AFDN: variants seen among roughly 807,000 people sequenced by gnomAD.
The protein encoded by AFDN is afadin.
Under a neutral mutation model 216.6 loss-of-function variants are expected in AFDN, and 68 were observed. The ratio of observed to expected loss-of-function variants is 0.31; its 90% CI spans 0.26 to 0.38. The LOEUF is 0.38. AFDN is among the 10% of genes least tolerant of loss of function. AFDN has a pLI of 1.00. For synonymous variants in AFDN, 868 were observed against 853.7 expected (o/e 1.02, Z -0.29); for missense variants, 2,136 against 2,342.0 (o/e 0.91, Z 1.82).
At position 167,880,235 on chromosome 6, in the gene AFDN, GA is replaced by G. The variant is rs1210631200; in HGVS notation, c.740-124del. 2.1e-5 allele frequency: 17 copies of G among 815,492 alleles called. No homozygotes were observed. The Admixed American group carries it at 2.9e-4, about 14-fold the overall frequency. The allele number at this position is 815,492 out of a possible 1,614,324, so 50.5% of individuals were successfully genotyped here. A position where few individuals can be genotyped will look rare whatever the true frequency, so the allele number is the denominator to read the frequency against. ...GAAATGAAACAATAGTTATTAGGCA[GA>G]TTGTCTTTACACTCATTTTAGCTAG... On this transcript the variant is annotated intron_variant, in intron 5 of 33. Coordinates refer to ENST00000683244, the MANE Select transcript of AFDN (RefSeq NM_001386888.1).
At chr6:167,959,592 G>A (rs1002088526) in intron 30 of AFDN, among the ~76,000 whole-genome samples, 3 of 152,134 alleles carry the variant, frequency 2.0e-5, no homozygotes, top group Admixed American at 1.3e-4. Context: ...TAACAGAGTC[G>A]TGTTTTCAGT....
chr6:167,922,754 C>T, intron 21 of AFDN, 102 bp from the exon 22 acceptor site: 1 of 717,456 alleles, frequency 1.4e-6, no homozygotes, highest in Middle Eastern at 2.9e-4. Context: ...TAAGAAGAAT[C>T]AATACCGTGT....
intron 2 of AFDN, among the ~76,000 whole-genome samples, chr6:167,865,433 C>G (rs1268809356): frequency 6.6e-6 from 1 of 151,694 alleles, no homozygotes; most frequent in Non-Finnish European, 1.5e-5. Flanking sequence ...CATAGTGAGA[C>G]CCGTCTCCAC....
In AFDN at chr6:167,896,827, A is replaced by G. The variant is rs144587549; in HGVS notation, c.1223-51A>G. On this transcript the variant is annotated intron_variant, in intron 9 of 33. Transcript: ENST00000683244. Reference sequence around the variant, plus strand: ...CCTTTTGTTTGTTGGAAATAACATGACAGTAATATTAGACTTTGCAAATAG... The same window carrying G: ...CCTTTTGTTTGTTGGAAATAACATGGCAGTAATATTAGACTTTGCAAATAG... 1.4e-3 allele frequency: 1,467 copies of G among 1,060,054 alleles called. 3 individuals carry two copies. The highest frequency in any genetic ancestry group is 1.9e-3 in the Non-Finnish European group (1,307 of 687,828). The allele number at this position is 1,060,054 out of a possible 1,614,324, so 65.7% of individuals were successfully genotyped here. A position where few individuals can be genotyped will look rare whatever the true frequency, so the allele number is the denominator to read the frequency against.
At chr6:167,894,306 G>A (rs1228713625) in intron 9 of AFDN, among the ~76,000 whole-genome samples, 2 of 152,142 alleles carry the variant, frequency 1.3e-5, no homozygotes, top group Non-Finnish European at 2.9e-5. Context: ...TGTCTGTTGT[G>A]GGGTTACTTA....
At chr6:167,900,069 G>A (rs1283505774) in intron 11 of AFDN, among the ~76,000 whole-genome samples, 1 of 152,196 alleles carries the variant, frequency 6.6e-6, no homozygotes, top group Non-Finnish European at 1.5e-5. Flanking sequence ...TGAAGAACAT[G>A]GCTTAGGTTT....
intron 1 of AFDN, among the ~76,000 whole-genome samples, chr6:167,842,502 C>G (rs1016088514): frequency 6.6e-6 from 1 of 151,936 alleles, no homozygotes; most frequent in Non-Finnish European, 1.5e-5. Context: ...TGACTTCAAA[C>G]TGTGTATGCT....
At chr6:167,876,394 T>G (rs1258556437) in intron 5 of AFDN, among the ~76,000 whole-genome samples, 1 of 152,196 alleles carries the variant, frequency 6.6e-6, no homozygotes, top group East Asian at 1.9e-4. Flanking sequence ...TTTTGTCTTG[T>G]TCTGTCAAGA....
chr6:167,890,807 G>A (rs950262195), intron 7 of AFDN, 55 bp from the exon 8 acceptor site: 14 of 1,555,676 alleles, frequency 9.0e-6, no homozygotes, highest in Middle Eastern at 2.0e-4. Context: ...GCCAGTCAGC[G>A]GGCCATCCTG....
chr6:167,890,938 G>A lies in AFDN; in HGVS notation c.1086G>A (p.Lys362=), dbSNP rs370251772. ...AAACCAAGAAACACTTGGAAGGCAA[G>A]ACACCCAAGGGAAAGGAGAGAGCTG... ...PKKTKKHLEG[K]TPKGKERADG... The change falls in exon 8 of 34, where the codon AAG becomes AAA. Residue 362 remains lysine (K), a synonymous_variant. Transcript: ENST00000683244. The A allele has an allele frequency of 8.7e-6, 14 of 1,614,026 alleles. No homozygotes were observed. In the African/African-American group the frequency reaches 1.2e-4, roughly 14 times the overall value.
intron 26 of AFDN, among the ~76,000 whole-genome samples, chr6:167,945,921 G>A (rs1484545888): frequency 6.6e-6 from 1 of 152,090 alleles, no homozygotes; most frequent in African/African-American, 2.4e-5. Flanking sequence ...TCTAAATATG[G>A]CCTTTATGGC....
chr6:167,911,116 T>C lies in AFDN; in HGVS notation c.1785T>C (p.Ser595=). The C allele has an allele frequency of 1.9e-6, 3 of 1,613,692 alleles. No individual in the cohort carries two copies. Among genetic ancestry groups the C allele is most frequent in the Non-Finnish European group, 2.5e-6 (3 of 1,179,900 alleles). Residue 595 remains serine (S), a synonymous_variant, in exon 14 of 34, where the codon TCT becomes TCC. Coordinates refer to ENST00000683244, the MANE Select transcript of AFDN (RefSeq NM_001386888.1). The part of the protein sequence containing the change: ...RRQESRTQDA[S]GPELILPASI... ...CTTCTTTTAGAACACAGGATGCTTC[T>C]GGGCCTGAGCTGATACTACCTGCAA...
At chr6:167,928,218 A>G (rs988287532) in intron 23 of AFDN, among the ~76,000 whole-genome samples, 1 of 152,270 alleles carries the variant, frequency 6.6e-6, no homozygotes, top group Non-Finnish European at 1.5e-5. Context: ...AGGAACCAGC[A>G]TTACCTTACA....
intron 5 of AFDN, among the ~76,000 whole-genome samples, chr6:167,879,864 CT>C (rs1342667671): frequency 6.6e-6 from 1 of 152,110 alleles, no homozygotes; most frequent in Admixed American, 6.6e-5. Context: ...TCCTACTTCA[CT>C]TTTTAAAAAT....
intron 8 of AFDN, chr6:167,893,604 G>T: frequency 2.3e-6 from 1 of 429,068 alleles, no homozygotes. Flanking sequence ...CTGTCCTGCT[G>T]CTTGGTGACT....
At chr6:167,896,739 A>G (rs1788306857) in intron 9 of AFDN, 139 bp from the exon 10 acceptor site, 1 of 562,318 alleles carries the variant, frequency 1.8e-6, no homozygotes, top group Non-Finnish European at 3.2e-6. Flanking sequence ...ATTGTGTTAC[A>G]TAAGTTTGGA....
intron 8 of AFDN, among the ~76,000 whole-genome samples, chr6:167,891,699 G>C (rs1787637671): frequency 6.6e-6 from 1 of 152,094 alleles, no homozygotes; most frequent in Non-Finnish European, 1.5e-5. Flanking sequence ...CACATTCCTA[G>C]GTAGAGTGTA....
intron 7 of AFDN, among the ~76,000 whole-genome samples, chr6:167,890,154 G>A (rs894745269): frequency 4.6e-5 from 7 of 152,118 alleles, no homozygotes; most frequent in African/African-American, 1.2e-4. Flanking sequence ...CCATTTAATC[G>A]TGTCAATATG....
rs372076838 is a variant in AFDN at position 167,952,244 on chromosome 6, G to C, written c.4833+57G>C. The C allele has an allele frequency of 4.0e-5, 65 of 1,612,506 alleles. No homozygotes were observed. The African/African-American group carries it at 7.2e-4, about 18-fold the overall frequency. ...CTGTGGTCCCTATTTTAGCTTCTGC[G>C]TGTTTCCCATGGGGATAGCTAGGCC... On this transcript the variant is annotated intron_variant, in intron 30 of 33. Coordinates refer to ENST00000683244, the MANE Select transcript of AFDN (RefSeq NM_001386888.1).
Sources: allele counts gnomAD v4.1 joint callset (sites outside exome capture counted in the v4.1 genomes callset), GRCh38; gene constraint gnomAD v4.1.1; transcripts MANE v1.5; gene names NCBI Gene and HGNC (gene_info 2026-07-23, HGNC 2026-07-21).